DUS2: variants seen among roughly 807,000 people sequenced by gnomAD.
DUS2 encodes dihydrouridine synthase 2.
A neutral mutation model predicts 71.3 loss-of-function variants in DUS2; 52 were observed. That is an observed-to-expected ratio of 0.73 (90% CI 0.58 to 0.92). DUS2 has a LOEUF of 0.92. Ranked by LOEUF, DUS2 falls within the 40% of genes least tolerant of loss-of-function variation. The pLI, the probability that DUS2 is intolerant of heterozygous loss-of-function variation, is 0.00. For missense variants in DUS2, 558 were observed against 622.6 expected (o/e 0.90, Z 1.10); for synonymous variants, 204 against 227.8 (o/e 0.90, Z 0.94).
chr16:68,063,724 T>C (rs1371511339), intron 8 of DUS2, among the ~76,000 whole-genome samples: 3 of 152,004 alleles, frequency 2.0e-5, no homozygotes, highest in Non-Finnish European at 4.4e-5. Flanking sequence ...TTTTTTTAAA[T>C]ATTTATTTAT....
chr16:68,041,058 C>T (rs899451900), intron 3 of DUS2, among the ~76,000 whole-genome samples: 1 of 152,080 alleles, frequency 6.6e-6, no homozygotes, highest in Non-Finnish European at 1.5e-5. Flanking sequence ...TGGTGAAACC[C>T]CATCTCTACA....
intron 3 of DUS2, among the ~76,000 whole-genome samples, chr16:68,048,153 T>C (rs766487939): frequency 3.4e-4 from 52 of 152,236 alleles, no homozygotes; most frequent in Non-Finnish European, 5.9e-4. Flanking sequence ...TTCTTTGCCA[T>C]GTGTGGCCTA....
chr16:68,026,063 T>C (rs935910532), intron 2 of DUS2, among the ~76,000 whole-genome samples: 1 of 152,210 alleles, frequency 6.6e-6, no homozygotes, highest in African/African-American at 2.4e-5. Context: ...CCATCTCGAC[T>C]CACTGTAACC....
At chr16:68,072,763 C>T (rs1450867174) in intron 12 of DUS2, among the ~76,000 whole-genome samples, 2 of 152,228 alleles carry the variant, frequency 1.3e-5, no homozygotes, top group African/African-American at 4.8e-5. Context: ...CCCAATACTG[C>T]TCTCCTGCCC....
intron 4 of DUS2, 88 bp downstream of exon 4, chr16:68,049,638 C>A: frequency 8.1e-7 from 1 of 1,228,186 alleles, no homozygotes; most frequent in South Asian, 1.2e-5. Flanking sequence ...GTGACAGTGT[C>A]TTGCCTGGCT....
At chr16:68,050,652 A>G (rs2033765746) in intron 4 of DUS2, among the ~76,000 whole-genome samples, 1 of 151,954 alleles carries the variant, frequency 6.6e-6, no homozygotes. Flanking sequence ...GAAGATAAGG[A>G]AAAAAAATGT....
In DUS2 at chr16:68,070,982, G is replaced by C. The variant is rs751774337; in HGVS notation, c.684G>C (p.Glu228Asp). 1 of 1,614,226 alleles carries C rather than the reference G, an allele frequency of 6.2e-7. No individual in the cohort carries two copies. The highest frequency in any genetic ancestry group is 8.5e-7 in the Non-Finnish European group (1 of 1,180,042). ...HDHIQQYSDI[E>D]DFRQATAASS... is the part of the protein sequence containing the mutation. ...ACATCCAACAGTATTCGGACATAGAGGACTTTCGACAAGCCACGGCAGCCT... is the reference window on the plus strand; with the variant it reads ...ACATCCAACAGTATTCGGACATAGACGACTTTCGACAAGCCACGGCAGCCT... The change falls in exon 12 of 17, where the codon GAG becomes GAC. Residue 228 changes from glutamate to aspartate, a missense_variant. By Grantham distance (45) the Glu-to-Asp change is conservative. Coordinates refer to ENST00000565263, the MANE Select transcript of DUS2 (RefSeq NM_017803.5).
intron 3 of DUS2, among the ~76,000 whole-genome samples, chr16:68,039,565 T>C (rs910786457): frequency 6.6e-6 from 1 of 151,890 alleles, no homozygotes; most frequent in Non-Finnish European, 1.5e-5. Context: ...ACTACAGGCG[T>C]CCGCCACCAC....
intron 2 of DUS2, among the ~76,000 whole-genome samples, chr16:68,031,041 G>C (rs2033429666): frequency 6.6e-6 from 1 of 152,054 alleles, no homozygotes; most frequent in Non-Finnish European, 1.5e-5. Flanking sequence ...ACCTTGCCTG[G>C]CATAGACATT....
chr16:68,052,498 T>C (rs2033792303), intron 4 of DUS2, among the ~76,000 whole-genome samples: 1 of 152,136 alleles, frequency 6.6e-6, no homozygotes, highest in African/African-American at 2.4e-5. Flanking sequence ...CTATGAATAG[T>C]ATAGGAGATT....
intron 6 of DUS2, among the ~76,000 whole-genome samples, chr16:68,056,056 G>A (rs369280466): frequency 2.6e-5 from 4 of 152,026 alleles, no homozygotes; most frequent in East Asian, 1.9e-4. Flanking sequence ...TATTTCAGCC[G>A]AGTTCAGTGT....
intron 14 of DUS2, 61 bp from the exon 15 acceptor site, chr16:68,076,571 C>T: frequency 1.5e-6 from 2 of 1,333,410 alleles, no homozygotes; most frequent in Non-Finnish European, 1.1e-6. Flanking sequence ...GAGTAGTGCC[C>T]TGGCTGAGGG....
chr16:68,063,998 G>A (rs780622169), intron 8 of DUS2, among the ~76,000 whole-genome samples: 8 of 152,198 alleles, frequency 5.3e-5, no homozygotes, highest in Admixed American at 2.6e-4. Context: ...ACAGGTGTGC[G>A]CAGGGCATCC....
intron 2 of DUS2, among the ~76,000 whole-genome samples, chr16:68,034,430 C>T (rs1170869770): frequency 1.3e-5 from 2 of 152,110 alleles, no homozygotes; most frequent in Non-Finnish European, 2.9e-5. Context: ...GTTGGTCAGG[C>T]TGGTGTTGAA....
chr16:68,071,113 G>A lies in DUS2; in HGVS notation c.810+5G>A, dbSNP rs1415021867. ...ATGCAGAAATACATCAGATACGTAC[G>A]TCTCTGTACTTTTTCAAAACAAGCA... is the stretch of plus-strand genomic sequence containing the variant. On this transcript the variant is annotated splice_donor_5th_base_variant and intron_variant, in intron 12 of 16. Coordinates refer to ENST00000565263, the MANE Select transcript of DUS2 (RefSeq NM_017803.5). The A allele has an allele frequency of 3.0e-5, 48 of 1,613,310 alleles. No individual in the cohort carries two copies. Among genetic ancestry groups the A allele is most frequent in the East Asian group, 4.5e-5 (2 of 44,888 alleles).
chr16:68,076,658 C>G lies in DUS2; in HGVS notation c.1109C>G (p.Pro370Arg). 1.2e-6 allele frequency: 2 copies of G among 1,614,108 alleles called. No individual in the cohort carries two copies. The highest frequency in any genetic ancestry group is 1.7e-6 in the Non-Finnish European group (2 of 1,179,954). The change falls in exon 15 of 17, where the codon CCT (proline) becomes CGT (arginine). Residue 370 changes from proline (P) to arginine (R), a missense_variant. Physicochemically the swap from Pro to Arg is moderately radical, Grantham distance 103. Coordinates refer to ENST00000565263, the MANE Select transcript of DUS2 (RefSeq NM_017803.5). ...AGAGCATACCCAGCCCAGATCACCC[C>G]TAAGATGTGCCTACTAGAGTGGTGC... The part of the protein sequence containing the change: ...DRRAYPAQIT[P>R]KMCLLEWCRR...
intron 2 of DUS2, among the ~76,000 whole-genome samples, chr16:68,033,060 C>G (rs929572866): frequency 1.3e-5 from 2 of 152,034 alleles, no homozygotes; most frequent in African/African-American, 4.8e-5. Flanking sequence ...AGGATTTTTC[C>G]TAAAGTCAGT....
At chr16:68,063,428 T>C (rs2033966664) in intron 8 of DUS2, among the ~76,000 whole-genome samples, 1 of 152,176 alleles carries the variant, frequency 6.6e-6, no homozygotes, top group South Asian at 2.1e-4. Context: ...TCAAGATTCT[T>C]GTTTGGGGTT....
chr16:68,071,179 G>T, intron 12 of DUS2, 71 bp downstream of exon 12: 1 of 1,549,066 alleles, frequency 6.5e-7, no homozygotes, highest in East Asian at 2.3e-5. Flanking sequence ...AGCACTTTGT[G>T]TGAGCCCCCA....
Sources: gnomAD v4.1 joint callset for allele counts (sites outside exome capture counted in the v4.1 genomes callset) on GRCh38, gnomAD v4.1.1 for gene constraint, MANE v1.5 for transcripts, NCBI Gene and HGNC (gene_info 2026-07-23, HGNC 2026-07-21) for gene names.